The following SHISA6 variants were observed in gnomAD, a reference collection of about 807,000 sequenced individuals.
SHISA6 encodes shisa family member 6, also known as protein shisa-6.
SHISA6 carries 22 observed loss-of-function variants against 47.9 expected under a neutral mutation model. The ratio of observed to expected loss-of-function variants is 0.46; its 90% CI spans 0.33 to 0.66. The LOEUF (loss-of-function observed/expected upper bound fraction) is 0.66. Ranked by LOEUF, SHISA6 falls within the 30% of genes least tolerant of loss-of-function variation. SHISA6 has a pLI of 0.02. For missense variants in SHISA6, 680 were observed against 764.6 expected (o/e 0.89, Z 1.30); for synonymous variants, 388 against 337.8 (o/e 1.15, Z -1.63).
intron 2 of SHISA6, among the ~76,000 whole-genome samples, chr17:11,328,750 G>C (rs963825360): frequency 6.6e-6 from 1 of 152,156 alleles, no homozygotes; most frequent in Non-Finnish European, 1.5e-5. Context: ...AAGTAGGTCA[G>C]GCAGAGGAAA....
At chr17:11,247,999 C>T (rs2142134255) in intron 1 of SHISA6, among the ~76,000 whole-genome samples, 2 of 152,276 alleles carry the variant, frequency 1.3e-5, no homozygotes, top group Middle Eastern at 3.4e-3. Context: ...TGGTCTCGAT[C>T]TCCTGACCTC....
intron 2 of SHISA6, among the ~76,000 whole-genome samples, chr17:11,306,784 G>T (rs114617504): frequency 6.6e-6 from 1 of 152,116 alleles, no homozygotes. Context: ...TCCAGCAACT[G>T]CACTTAGTAT....
intron 3 of SHISA6, among the ~76,000 whole-genome samples, chr17:11,531,363 G>A (rs1158874073): frequency 2.0e-5 from 3 of 151,812 alleles, no homozygotes; most frequent in Non-Finnish European, 4.4e-5. Flanking sequence ...TTAAACACAC[G>A]ATTCTCAGAG....
At chr17:11,291,166 G>A (rs994880736) in intron 2 of SHISA6, among the ~76,000 whole-genome samples, 8 of 151,920 alleles carry the variant, frequency 5.3e-5, no homozygotes, top group Admixed American at 2.0e-4. Flanking sequence ...GTGAGAGTTC[G>A]GGACGGGGAG....
intron 2 of SHISA6, among the ~76,000 whole-genome samples, chr17:11,338,157 C>T (rs1279697396): frequency 1.3e-5 from 2 of 152,154 alleles, no homozygotes; most frequent in African/African-American, 4.8e-5. Context: ...GGGTAAAGCA[C>T]ACAGCAACCT....
At chr17:11,292,127 A>G (rs1413223186) in intron 2 of SHISA6, among the ~76,000 whole-genome samples, 2 of 152,058 alleles carry the variant, frequency 1.3e-5, no homozygotes, top group Non-Finnish European at 2.9e-5. Flanking sequence ...AATTGTGTAT[A>G]ATTTGACCAT....
intron 2 of SHISA6, among the ~76,000 whole-genome samples, chr17:11,277,278 T>TCACACACA (rs1385591802): frequency 3.8e-5 from 2 of 52,620 alleles, no homozygotes; most frequent in Non-Finnish European, 7.9e-5. Flanking sequence ...TCTCTCTCTC[T>TCACACACA]CTCACACACA....
intron 2 of SHISA6, among the ~76,000 whole-genome samples, chr17:11,363,215 T>G (rs1165264323): frequency 6.6e-6 from 1 of 151,844 alleles, no homozygotes; most frequent in Non-Finnish European, 1.5e-5. Flanking sequence ...TTTTTTTTTT[T>G]CCTAAGAAAA....
intron 2 of SHISA6, among the ~76,000 whole-genome samples, chr17:11,274,574 C>T (rs538349044): frequency 2.8e-4 from 42 of 152,250 alleles, no homozygotes; most frequent in African/African-American, 9.9e-4. Flanking sequence ...CTTTAGCGGT[C>T]TTTTCCTCAT....
chr17:11,560,927 AGG>A lies in SHISA6; in HGVS notation c.*2625_*2626del, dbSNP rs1597588523. On this transcript the variant is annotated 3_prime_UTR_variant, in exon 6 of 6. Transcript: ENST00000441885. ...AAGGAATGAAGGGAGGGAGAGAGGGAGGGAGGGAGGGGAGGAGGGAAGAAAAA... is the reference window on the plus strand; with the variant it reads ...AAGGAATGAAGGGAGGGAGAGAGGGAGAGGGAGGGGAGGAGGGAAGAAAAA... 7.6e-6 allele frequency: 1 copy of A among 132,274 alleles called. No individual in the cohort carries two copies. Among genetic ancestry groups the A allele is most frequent in the East Asian group, 2.7e-4 (1 of 3,746 alleles). The allele number at this position is 132,274 out of a possible 1,614,324, so 8.2% of individuals were successfully genotyped here. A position where few individuals can be genotyped will look rare whatever the true frequency, so the allele number is the denominator to read the frequency against.
intron 3 of SHISA6, among the ~76,000 whole-genome samples, chr17:11,408,804 C>T (rs1914034176): frequency 6.6e-6 from 1 of 152,026 alleles, no homozygotes; most frequent in Admixed American, 6.6e-5. Flanking sequence ...TCAGCTGTTC[C>T]CCTTGCTCAC....
At position 11,406,191 on chromosome 17, in the gene SHISA6, A is replaced by C. The variant is rs575474570; in HGVS notation, c.895+26682A>C. Among the ~76,000 whole-genome samples the C allele has an allele frequency of 2.0e-5, 3 of 152,348 alleles. No individual in the cohort carries two copies. The East Asian group carries it at 5.8e-4, about 29-fold the overall frequency. ...TTTACACAACCACATAGGCAGTGGT[A>C]CGTGGACACACCACATGCATGAGAT... On this transcript the variant is annotated intron_variant, in intron 3 of 5. Transcript: ENST00000441885.
intron 2 of SHISA6, among the ~76,000 whole-genome samples, chr17:11,372,747 T>C (rs1292686084): frequency 6.6e-6 from 1 of 152,136 alleles, no homozygotes; most frequent in Admixed American, 6.5e-5. Context: ...TTATCTTTTG[T>C]CTGTGGTATA....
At chr17:11,351,432 T>C (rs1274658408) in intron 2 of SHISA6, among the ~76,000 whole-genome samples, 1 of 152,216 alleles carries the variant, frequency 6.6e-6, no homozygotes, top group Non-Finnish European at 1.5e-5. Context: ...TTTTCCATTT[T>C]CCTTTAATAT....
intron 3 of SHISA6, among the ~76,000 whole-genome samples, chr17:11,516,566 G>A (rs566768951): frequency 6.6e-6 from 1 of 152,322 alleles, no homozygotes; most frequent in African/African-American, 2.4e-5. Context: ...TATATAGCAT[G>A]TTCCAATCCC....
At chr17:11,424,633 T>C (rs1170304763) in intron 3 of SHISA6, among the ~76,000 whole-genome samples, 1 of 152,130 alleles carries the variant, frequency 6.6e-6, no homozygotes, top group Non-Finnish European at 1.5e-5. Flanking sequence ...ATGGTAGTTA[T>C]TGCTGGATAG....
intron 2 of SHISA6, among the ~76,000 whole-genome samples, chr17:11,277,861 G>T (rs1282583030): frequency 1.3e-5 from 2 of 152,142 alleles, no homozygotes; most frequent in African/African-American, 4.8e-5. Context: ...GGACCAAGAA[G>T]ATCATACCTC....
chr17:11,315,390 G>A (rs12603186), intron 2 of SHISA6, among the ~76,000 whole-genome samples: 23,358 of 151,946 alleles, frequency 0.15, 2,177 homozygotes, highest in East Asian at 0.36. Flanking sequence ...AAGAATGACA[G>A]CTATGCCTCT....
At chr17:11,326,352 C>T (rs1041076424) in intron 2 of SHISA6, among the ~76,000 whole-genome samples, 1 of 152,082 alleles carries the variant, frequency 6.6e-6, no homozygotes, top group African/African-American at 2.4e-5. Context: ...CTCTACTCCC[C>T]TCTAAAGACA....
Sources: allele counts gnomAD v4.1 joint callset (sites outside exome capture counted in the v4.1 genomes callset), GRCh38; gene constraint gnomAD v4.1.1; transcripts MANE v1.5; gene names NCBI Gene and HGNC (gene_info 2026-07-23, HGNC 2026-07-21).